CELF2: variants seen among roughly 807,000 people sequenced by gnomAD.
CELF2 encodes CUG triplet repeat RNA-binding protein 2.
Under a neutral mutation model 62.6 loss-of-function variants are expected in CELF2, and 8 were observed. The ratio of observed to expected loss-of-function variants is 0.13; its 90% confidence interval spans 0.07 to 0.23. The LOEUF is 0.23. Among genes scored for constraint, CELF2 ranks in the 10% least tolerant of loss-of-function variants. CELF2 has a pLI of 1.00. For missense variants in CELF2, 333 were observed against 671.0 expected, an observed-to-expected ratio of 0.50 and a Z score of 5.56; for synonymous variants, 258 against 250.0, an observed-to-expected ratio of 1.03 and a Z score of -0.30.
chr10:11,210,148 G>T (rs144862300), intron 2 of CELF2, among the ~76,000 whole-genome samples: 1 of 152,050 alleles, frequency 6.6e-6, no homozygotes, highest in East Asian at 1.9e-4. Flanking sequence ...TCCTGAATTC[G>T]AATATAACTC....
At chr10:10,906,551 A>G (rs1431182400) in intron 1 of CELF2, among the ~76,000 whole-genome samples, 2 of 152,132 alleles carry the variant, frequency 1.3e-5, no homozygotes, top group Non-Finnish European at 2.9e-5. Flanking sequence ...GATATTGACC[A>G]TGTGCTCTAT....
rs764183188 is a variant in CELF2, at chr10:11,321,310, C to T, written c.1218C>T (p.Tyr406=). 15 of 1,613,268 alleles carry T rather than the reference C, an allele frequency of 9.3e-6. No homozygotes were observed. Among genetic ancestry groups the T allele is most frequent in the Admixed American group, 3.3e-5 (2 of 60,028 alleles). Residue 406 remains tyrosine (Y), a synonymous_variant, in exon 11 of 13, where the codon TAC becomes TAT. Transcript: ENST00000633077. This position sits in a 1 kb window ranked among gnomAD's most constrained non-coding sequence, Gnocchi z 6.2. ...LTQAYSGIQQ[Y]AAAALPTLYS... The stretch of plus-strand genomic sequence containing the variant: ...AGGCCTACTCAGGAATTCAACAGTA[C>T]GCAGCCGCCGCGCTGCCCACTCTGT...
At chr10:10,696,357 C>T in the CELF2 span, among the ~76,000 whole-genome samples, 291 of 149,676 alleles carry the variant, frequency 1.9e-3, 1 homozygote, top group African/African-American at 6.3e-3. Flanking sequence ...GCAGTCTGCC[C>T]GTTCTCAGAT....
intron 1 of CELF2, among the ~76,000 whole-genome samples, chr10:11,105,811 C>G (rs1045177912): frequency 1.3e-5 from 2 of 152,212 alleles, no homozygotes; most frequent in Admixed American, 6.5e-5. Context: ...CAGGCTCCCC[C>G]ACCTGATAGA....
chr10:11,207,054 T>C lies in CELF2; in HGVS notation c.272-10371T>C, dbSNP rs1041203925. On this transcript the variant is annotated intron_variant, in intron 2 of 12. Coordinates refer to ENST00000633077, the MANE Select transcript of CELF2 (RefSeq NM_001326342.2). The surrounding 1 kb of genome is among the most constrained non-coding windows in gnomAD (Gnocchi z 4.1). Reference sequence around the variant, plus strand: ...GAAATGGTTTAACATAAGTGTCTTATTTCAAAGAACCAGAGAAGGGGAAAA... The same window carrying C: ...GAAATGGTTTAACATAAGTGTCTTACTTCAAAGAACCAGAGAAGGGGAAAA... Among the ~76,000 whole-genome samples, 3 of 152,258 alleles carry C rather than the reference T, an allele frequency of 2.0e-5. No individual in the cohort carries two copies. Among genetic ancestry groups the C allele is most frequent in the African/African-American group, 4.8e-5 (2 of 41,468 alleles).
chr10:10,694,428 C>A, the CELF2 span, among the ~76,000 whole-genome samples: 1 of 151,630 alleles, frequency 6.6e-6, no homozygotes, highest in Admixed American at 6.6e-5. Context: ...AGCTTTACTT[C>A]CAAGTATGTG....
Position 10,928,348 on chromosome 10 carries a change from T to G in CELF2, c.89+8349T>G, listed in dbSNP as rs185271506. The stretch of plus-strand genomic sequence containing the variant: ...GAGATCTGGTCTCCTACTCTTTGTA[T>G]GTGTTCTTCCTTCTATTTGAAAGCC... On this transcript the variant is annotated intron_variant, in intron 2 of 13. Transcript: ENST00000636488. The surrounding 1 kb of genome is among the most constrained non-coding windows in gnomAD (Gnocchi z 4.8). Among the ~76,000 whole-genome samples, 1 of 152,316 alleles carries G rather than the reference T, an allele frequency of 6.6e-6. No homozygotes were observed. Among genetic ancestry groups the G allele is most frequent in the East Asian group, 1.9e-4 (1 of 5,182 alleles).
intron 1 of CELF2, among the ~76,000 whole-genome samples, chr10:11,079,059 G>A (rs929662173): frequency 6.6e-6 from 1 of 152,068 alleles, no homozygotes; most frequent in African/African-American, 2.4e-5. Context: ...TGTACTCAAA[G>A]TATAAAACTA....
intron 1 of CELF2, among the ~76,000 whole-genome samples, chr10:11,048,791 G>A (rs1412328534): frequency 6.6e-6 from 1 of 152,204 alleles, no homozygotes; most frequent in Non-Finnish European, 1.5e-5. Context: ...AATTACAAAT[G>A]TAGGTGTATG....
chr10:11,080,014 G>T (rs908670941), intron 1 of CELF2, among the ~76,000 whole-genome samples: 16 of 152,108 alleles, frequency 1.1e-4, no homozygotes, highest in African/African-American at 3.9e-4. Context: ...GTTGTGAATT[G>T]CTCTCCGGTT....
intron 1 of CELF2, among the ~76,000 whole-genome samples, chr10:10,817,717 A>T (rs558037540): frequency 3.3e-5 from 5 of 152,242 alleles, no homozygotes; most frequent in Admixed American, 6.5e-5. Context: ...TTATCCATTC[A>T]TTGGCTGATG....
At chr10:10,606,259 G>GGA in the CELF2 span, among the ~76,000 whole-genome samples, 1 of 152,154 alleles carries the variant, frequency 6.6e-6, no homozygotes, top group Non-Finnish European at 1.5e-5. Context: ...ACGTGATTGA[G>GGA]GAGACTTGGC....
chr10:10,857,067 A>G (rs1171819424), intron 1 of CELF2, among the ~76,000 whole-genome samples: 7 of 152,108 alleles, frequency 4.6e-5, no homozygotes, highest in Non-Finnish European at 8.8e-5. Context: ...AGGAAGGGGA[A>G]ACCCAAGCAG....
At chr10:11,188,773 A>C (rs998821202) in intron 2 of CELF2, among the ~76,000 whole-genome samples, 1 of 152,088 alleles carries the variant, frequency 6.6e-6, no homozygotes, top group Non-Finnish European at 1.5e-5. Context: ...GATTACTTGT[A>C]TATTTGGCCA....
chr10:10,746,911 G>A, the CELF2 span, among the ~76,000 whole-genome samples: 1 of 152,144 alleles, frequency 6.6e-6, no homozygotes, highest in African/African-American at 2.4e-5. Context: ...TTGCTGCCTG[G>A]TGTCACCATG....
chr10:11,061,705 T>C (rs2066771124), intron 1 of CELF2, among the ~76,000 whole-genome samples: 1 of 152,242 alleles, frequency 6.6e-6, no homozygotes, highest in Non-Finnish European at 1.5e-5. Context: ...CCAAAAATCC[T>C]TGGGCCCTTA....
intron 1 of CELF2, among the ~76,000 whole-genome samples, chr10:11,020,020 A>G (rs184613263): frequency 5.3e-5 from 8 of 152,348 alleles, no homozygotes; most frequent in Admixed American, 5.2e-4. Flanking sequence ...GGCCTCAGAA[A>G]GATGCAGTTT....
intron 1 of CELF2, chr10:10,846,060 T>C (rs1454174116): frequency 3.1e-6 from 3 of 981,118 alleles, no homozygotes; most frequent in Non-Finnish European, 3.6e-6. Flanking sequence ...CCTTTCATTG[T>C]AGACTTTTGT....
At chr10:10,620,917 CAAAA>C in the CELF2 span, among the ~76,000 whole-genome samples, 13 of 35,806 alleles carry the variant, frequency 3.6e-4, no homozygotes, top group African/African-American at 1.5e-3. Flanking sequence ...GACCCCATCT[CAAAA>C]AAAAAAAAAA....
Sources: allele counts gnomAD v4.1 joint callset (sites outside exome capture counted in the v4.1 genomes callset), GRCh38; gene constraint gnomAD v4.1.1; non-coding constraint Gnocchi (gnomAD v3.1); transcripts MANE v1.5; gene names NCBI Gene and HGNC (gene_info 2026-07-23, HGNC 2026-07-21).